Variants in DNAAF11 observed in about 807,000 individuals in gnomAD.
DNAAF11 encodes the protein dynein axonemal assembly factor 11, also known as leucine rich repeat containing 6.
Under a neutral mutation model 60.8 loss-of-function variants are expected in DNAAF11, and 45 were observed. The observed-to-expected ratio is 0.74, with a 90% CI of 0.58 to 0.95. The LOEUF (loss-of-function observed/expected upper bound fraction) is 0.95, where lower values mean the gene tolerates loss of function less well. Among genes scored for constraint, DNAAF11 ranks in the 40% least tolerant of loss-of-function variants. DNAAF11 has a pLI of 0.00. For missense variants in DNAAF11, 546 were observed against 546.2 expected (o/e 1.00, Z 0.00); for synonymous variants, 191 against 183.5 (o/e 1.04, Z -0.33).
chr8:132,673,994 G>A (rs538471066), intron 1 of DNAAF11, among the ~76,000 whole-genome samples: 3 of 151,994 alleles, frequency 2.0e-5, no homozygotes, highest in Admixed American at 1.3e-4. Flanking sequence ...ATAAAAAAGC[G>A]AAGAAGAAGG....
At chr8:132,629,067 A>G (rs2130391620) in intron 5 of DNAAF11, among the ~76,000 whole-genome samples, 1 of 152,348 alleles carries the variant, frequency 6.6e-6, no homozygotes, top group African/African-American at 2.4e-5. Flanking sequence ...TGTTTATCCT[A>G]GAAACTCAAG....
intron 6 of DNAAF11, among the ~76,000 whole-genome samples, chr8:132,623,248 T>G (rs1381123148): frequency 1.3e-5 from 2 of 152,196 alleles, no homozygotes; most frequent in Admixed American, 1.3e-4. Context: ...GCTTCATTCA[T>G]GCTATAAAAT....
intron 10 of DNAAF11, among the ~76,000 whole-genome samples, chr8:132,584,755 ATCTGCCTTTC>A (rs1293319960): frequency 1.3e-5 from 2 of 152,118 alleles, no homozygotes; most frequent in African/African-American, 4.8e-5. Flanking sequence ...GGTGAAGGCT[ATCTGCCTTTC>A]TCTGTTCTGC....
rs112429094 is a variant in DNAAF11, at chr8:132,657,478, C to G, written c.179-571G>C. On this transcript the variant is annotated intron_variant, in intron 2 of 11. Coordinates refer to ENST00000620350, the MANE Select transcript of DNAAF11 (RefSeq NM_012472.6). ...GAGCAGAGAGAAGGAATCAACCAAC[C>G]CTGACTGACTCTGGAGTCTGCTCTA... Among the ~76,000 whole-genome samples the G allele has an allele frequency of 1.9e-3, 287 of 152,250 alleles. 2 individuals are homozygous for G. Among genetic ancestry groups the G allele is most frequent in the African/African-American group, 6.6e-3 (273 of 41,554 alleles).
At chr8:132,631,077 A>G (rs1820751322) in intron 5 of DNAAF11, among the ~76,000 whole-genome samples, 1 of 152,220 alleles carries the variant, frequency 6.6e-6, no homozygotes, top group South Asian at 2.1e-4. Flanking sequence ...CATTGCTTGA[A>G]TATCTCAACA....
At chr8:132,678,846 C>A (rs1036760402), upstream of DNAAF11, among the ~76,000 whole-genome samples, 14 of 151,790 alleles carry the variant, frequency 9.2e-5, no homozygotes, top group East Asian at 2.3e-3. Flanking sequence ...AGATATTTCA[C>A]TATAGAAGTA....
chr8:132,681,003 CTTTTTT>C, the DNAAF11 span, among the ~76,000 whole-genome samples: 109 of 52,346 alleles, frequency 2.1e-3, 1 homozygote, highest in African/African-American at 8.6e-3. Context: ...ATAACTATTC[CTTTTTT>C]TTTTTTTTTT....
chr8:132,665,335 T>C lies in DNAAF11; in HGVS notation c.11-3708A>G, dbSNP rs190137927. 1.4e-3 allele frequency among the ~76,000 whole-genome samples: 206 copies of C among 152,314 alleles called. No homozygotes were observed. In the Middle Eastern group the frequency reaches 0.014, roughly 10 times the overall value. On this transcript the variant is annotated intron_variant, in intron 1 of 11. Coordinates refer to ENST00000620350, the MANE Select transcript of DNAAF11 (RefSeq NM_012472.6). Reference sequence around the variant, plus strand: ...GGAAAGCATTTTCGGTTTTATATACTGTCTAATTTAGAGCAAACATTCTTT... The same window carrying C: ...GGAAAGCATTTTCGGTTTTATATACCGTCTAATTTAGAGCAAACATTCTTT...
chr8:132,695,398 C>T, the DNAAF11 span, among the ~76,000 whole-genome samples: 2 of 152,124 alleles, frequency 1.3e-5, no homozygotes, highest in African/African-American at 4.8e-5. Flanking sequence ...GGCTGCAATG[C>T]ATGAGTGGTA....
At chr8:132,661,418 A>G (rs766317629) in intron 2 of DNAAF11, 42 bp downstream of exon 2, 1 of 1,507,512 alleles carries the variant, frequency 6.6e-7, no homozygotes, top group Admixed American at 2.0e-5. Flanking sequence ...TCTCTCATTC[A>G]CAATGTTCAA....
Position 132,625,324 on chromosome 8 carries a change from A to G in DNAAF11, c.784T>C (p.Leu262=), listed in dbSNP as rs769008700. 9 of 1,612,990 alleles carry G rather than the reference A, an allele frequency of 5.6e-6. No individual in the cohort carries two copies. Among genetic ancestry groups the G allele is most frequent in the Admixed American group, 3.3e-5 (2 of 59,876 alleles). The change falls in exon 6 of 12, where the codon TTG becomes CTG. Residue 262 remains leucine (L), a synonymous_variant. Coordinates refer to ENST00000620350, the MANE Select transcript of DNAAF11 (RefSeq NM_012472.6). ...KPCLFTPESR[L]ETLRHMEKQR... ...TTTTCCATGTGTCTAAGAGTTTCCA[A>G]TCTTGATTCAGGAGTAAACAAACAG...
chr8:132,615,872 A>C (rs1250590404), intron 7 of DNAAF11, among the ~76,000 whole-genome samples: 1 of 152,140 alleles, frequency 6.6e-6, no homozygotes, highest in African/African-American at 2.4e-5. Flanking sequence ...AACAATATTA[A>C]AGAACATAAG....
the DNAAF11 span, among the ~76,000 whole-genome samples, chr8:132,692,412 G>A: frequency 6.6e-6 from 1 of 152,212 alleles, no homozygotes; most frequent in African/African-American, 2.4e-5. Flanking sequence ...AGAGGAGGTT[G>A]GATCAGATCA....
chr8:132,581,799 C>G (rs1375984002), intron 11 of DNAAF11, among the ~76,000 whole-genome samples: 1 of 151,998 alleles, frequency 6.6e-6, no homozygotes, highest in Non-Finnish European at 1.5e-5. Context: ...AATAATAGCA[C>G]TTATCTGCAG....
At position 132,638,010 on chromosome 8, in the gene DNAAF11, G is replaced by A. The variant is rs767735054; in HGVS notation, c.354C>T (p.Leu118=). The A allele has an allele frequency of 1.2e-6, 2 of 1,614,122 alleles. No individual in the cohort carries two copies. The highest frequency in any genetic ancestry group is 1.7e-6 in the Non-Finnish European group (2 of 1,179,974). Reference sequence around the variant, plus strand: ...AAGCACATGGGTTCCCCATGAGAAAGAGCTCCTTCAGATGGATATTGTGCT... The same window carrying A: ...AAGCACATGGGTTCCCCATGAGAAAAAGCTCCTTCAGATGGATATTGTGCT... ...NLQHNIHLKE[L]FLMGNPCASF... Residue 118 remains leucine (L), a synonymous_variant, in exon 4 of 12, where the codon CTC becomes CTT. Coordinates refer to ENST00000620350, the MANE Select transcript of DNAAF11 (RefSeq NM_012472.6).
At chr8:132,676,242 C>T (rs573515828), upstream of DNAAF11, among the ~76,000 whole-genome samples, 1 of 152,246 alleles carries the variant, frequency 6.6e-6, no homozygotes, top group African/African-American at 2.4e-5. Flanking sequence ...GCCCCACACT[C>T]CCCTCACGTT....
chr8:132,697,456 A>G, the DNAAF11 span, among the ~76,000 whole-genome samples: 3 of 152,224 alleles, frequency 2.0e-5, no homozygotes, highest in Admixed American at 2.0e-4. Flanking sequence ...CATCTCTACT[A>G]AAATTACAAA....
intron 10 of DNAAF11, among the ~76,000 whole-genome samples, chr8:132,590,193 C>T (rs1441783208): frequency 2.6e-5 from 4 of 152,186 alleles, no homozygotes; most frequent in African/African-American, 9.7e-5. Flanking sequence ...CTGGGCCTGG[C>T]CAATGGGAGG....
chr8:132,652,271 G>A (rs1039056765), intron 3 of DNAAF11, among the ~76,000 whole-genome samples: 27 of 152,136 alleles, frequency 1.8e-4, no homozygotes, highest in African/African-American at 6.5e-4. Context: ...TAGGCAAGCA[G>A]AACCTCACAA....
Sources: allele counts gnomAD v4.1 joint callset (sites outside exome capture counted in the v4.1 genomes callset), GRCh38; gene constraint gnomAD v4.1.1; transcripts MANE v1.5; gene names NCBI Gene and HGNC (gene_info 2026-07-23, HGNC 2026-07-21).